The following LMO1 variants were observed in gnomAD, a reference collection of about 807,000 sequenced individuals.
LMO1 encodes rhombotin-1.
Under a neutral mutation model 18.0 loss-of-function variants are expected in LMO1, and 10 were observed. The ratio of observed to expected loss-of-function variants is 0.55; its 90% CI spans 0.34 to 0.94. The LOEUF (loss-of-function observed/expected upper bound fraction) is 0.94, where lower values mean the gene tolerates loss of function less well. Ranked by LOEUF, LMO1 falls within the 40% of genes least tolerant of loss-of-function variation. LMO1 has a pLI of 0.02. For missense variants in LMO1, 183 were observed against 205.7 expected, an observed-to-expected ratio of 0.89 and a Z score of 0.68; for synonymous variants, 77 against 77.9, an observed-to-expected ratio of 0.99 and a Z score of 0.06.
chr11:8,236,009 C>A (rs1036197661), intron 1 of LMO1, among the ~76,000 whole-genome samples: 2 of 152,166 alleles, frequency 1.3e-5, no homozygotes, highest in African/African-American at 4.8e-5. Flanking sequence ...TAGTCCAGCT[C>A]CACCCAAAGG....
chr11:8,246,795 T>C (rs1460935307), intron 1 of LMO1, among the ~76,000 whole-genome samples: 1 of 149,814 alleles, frequency 6.7e-6, no homozygotes, highest in Non-Finnish European at 1.5e-5. Flanking sequence ...GGGGTCAGCA[T>C]AGCGGGGGAA....
intron 1 of LMO1, among the ~76,000 whole-genome samples, chr11:8,233,837 A>G (rs936093446): frequency 1.3e-5 from 2 of 152,066 alleles, no homozygotes; most frequent in African/African-American, 4.8e-5. Flanking sequence ...GCTGAAGTCC[A>G]TTTGGGATCC....
intron 1 of LMO1, among the ~76,000 whole-genome samples, chr11:8,259,448 C>T (rs375753567): frequency 7.9e-5 from 12 of 152,178 alleles, no homozygotes; most frequent in African/African-American, 2.2e-4. Flanking sequence ...GGAGGGCTGC[C>T]GCTGGGGCTG....
intron 1 of LMO1, among the ~76,000 whole-genome samples, chr11:8,241,601 CCTGCCT>C (rs1053001953): frequency 6.6e-6 from 1 of 152,226 alleles, no homozygotes; most frequent in Non-Finnish European, 1.5e-5. Context: ...AACACCCTTC[CCTGCCT>C]CTGCCTCTGC....
rs535350325 is a variant in LMO1, at chr11:8,263,390, T to C, written c.-28A>G. ...CGGGCGCTCCGTGTCCAGCCGCAGC[T>C]AGGCTCGGCCGGGAGAAGGGCGCCG... On this transcript the variant is annotated 5_prime_UTR_variant, in exon 1 of 4. Coordinates refer to ENST00000335790, the MANE Select transcript of LMO1 (RefSeq NM_002315.3). 3.4e-4 allele frequency: 551 copies of C among 1,600,032 alleles called. 3 individuals are homozygous for C. The highest frequency in any genetic ancestry group is 2.3e-5 in the Non-Finnish European group (27 of 1,176,940).
chr11:8,262,974 TCA>T (rs1401367950), intron 1 of LMO1, among the ~76,000 whole-genome samples: 1 of 152,058 alleles, frequency 6.6e-6, no homozygotes, highest in Non-Finnish European at 1.5e-5. Flanking sequence ...AGCAGCAGCC[TCA>T]GACACGAAAT....
chr11:8,262,939 G>T (rs1590568550), intron 1 of LMO1, among the ~76,000 whole-genome samples: 1 of 152,228 alleles, frequency 6.6e-6, no homozygotes, highest in East Asian at 1.9e-4. Flanking sequence ...GCGGCGGCTG[G>T]CGCGAGGGTG....
At chr11:8,236,108 A>T (rs1376070034) in intron 1 of LMO1, among the ~76,000 whole-genome samples, 1 of 152,170 alleles carries the variant, frequency 6.6e-6, no homozygotes, top group Admixed American at 6.5e-5. Context: ...CATGGGAAGC[A>T]GTTGCTGTGG....
At chr11:8,253,559 T>C (rs1847039816) in intron 1 of LMO1, among the ~76,000 whole-genome samples, 1 of 152,162 alleles carries the variant, frequency 6.6e-6, no homozygotes, top group Admixed American at 6.5e-5. Flanking sequence ...ATCAGAGAGT[T>C]TGAACATTCT....
intron 1 of LMO1, among the ~76,000 whole-genome samples, chr11:8,238,903 T>C (rs1017998305): frequency 2.6e-5 from 4 of 152,188 alleles, no homozygotes; most frequent in African/African-American, 9.7e-5. Context: ...GAGATGGAGA[T>C]GCCCTCATCA....
chr11:8,225,616 G>C (rs1952525547), intron 3 of LMO1, among the ~76,000 whole-genome samples: 1 of 152,064 alleles, frequency 6.6e-6, no homozygotes, highest in South Asian at 2.1e-4. Flanking sequence ...CCGAAGGAAG[G>C]CCCTTCATTG....
At chr11:8,266,138 T>C (rs1225060019), upstream of LMO1, among the ~76,000 whole-genome samples, 3 of 152,172 alleles carry the variant, frequency 2.0e-5, no homozygotes, top group Non-Finnish European at 4.4e-5. Context: ...TGGTGCTGTG[T>C]GTGCCCACAG....
intron 2 of LMO1, among the ~76,000 whole-genome samples, 180 bp from the exon 3 acceptor site, chr11:8,227,280 C>G (rs1420383866): frequency 6.6e-6 from 1 of 152,224 alleles, no homozygotes; most frequent in African/African-American, 2.4e-5. Flanking sequence ...AGAGATCAGG[C>G]TGCCAATAAA....
chr11:8,243,646 C>G (rs575360511), intron 1 of LMO1, among the ~76,000 whole-genome samples: 10 of 152,348 alleles, frequency 6.6e-5, no homozygotes, highest in African/African-American at 2.4e-4. Flanking sequence ...GCCATGCTGT[C>G]TGTCATCTGT....
intron 3 of LMO1, among the ~76,000 whole-genome samples, chr11:8,225,026 G>A (rs1248378180): frequency 6.6e-6 from 1 of 152,074 alleles, no homozygotes; most frequent in East Asian, 1.9e-4. Flanking sequence ...AGGGGGGTTG[G>A]TGGAGAGGTG....
At chr11:8,243,566 T>G (rs1298004496) in intron 1 of LMO1, among the ~76,000 whole-genome samples, 1 of 152,206 alleles carries the variant, frequency 6.6e-6, no homozygotes, top group Non-Finnish European at 1.5e-5. Context: ...GTGGGCCGGC[T>G]GCTGGGCAAG....
chr11:8,245,267 C>T (rs567411493), intron 1 of LMO1, among the ~76,000 whole-genome samples: 5 of 152,302 alleles, frequency 3.3e-5, no homozygotes, highest in Non-Finnish European at 7.4e-5. Context: ...AGAGACACAT[C>T]TGAGGCAAGG....
chr11:8,251,862 AAT>A (rs1410951155), intron 1 of LMO1, among the ~76,000 whole-genome samples: 54 of 38,214 alleles, frequency 1.4e-3, no homozygotes, highest in African/African-American at 5.6e-3. Context: ...TGTGTGTGTG[AAT>A]GTGTGTGAGT....
At chr11:8,266,752 G>C (rs1028474007), upstream of LMO1, among the ~76,000 whole-genome samples, 2 of 152,202 alleles carry the variant, frequency 1.3e-5, no homozygotes, top group Non-Finnish European at 2.9e-5. Flanking sequence ...GGCCCAGGCC[G>C]ACTAGATATT....
Sources: gnomAD v4.1 joint callset for allele counts (sites outside exome capture counted in the v4.1 genomes callset) on GRCh38, gnomAD v4.1.1 for gene constraint, MANE v1.5 for transcripts, NCBI Gene and HGNC (gene_info 2026-07-23, HGNC 2026-07-21) for gene names.